Variants in TGFBR3 observed in about 807,000 individuals in gnomAD.
The protein encoded by TGFBR3 is transforming growth factor beta receptor 3, also known as transforming growth factor beta receptor type 3.
In TGFBR3, 46 loss-of-function variants were observed where a neutral mutation model predicts 87.9. The observed-to-expected ratio is 0.52, with a 90% CI of 0.41 to 0.67. The LOEUF (loss-of-function observed/expected upper bound fraction) is 0.67, where lower values mean the gene tolerates loss of function less well. TGFBR3 is among the 30% of genes least tolerant of loss of function. The pLI is 0.00. For missense variants in TGFBR3, 866 were observed against 1,041.9 expected (o/e 0.83, Z 2.32); for synonymous variants, 381 against 391.6 (o/e 0.97, Z 0.32).
intron 2 of TGFBR3, among the ~76,000 whole-genome samples, chr1:91,842,366 T>C (rs919706381): frequency 2.0e-5 from 3 of 152,174 alleles, no homozygotes; most frequent in Admixed American, 1.3e-4. Context: ...AGGTACCATA[T>C]AGATGAGGAA....
chr1:91,687,583 A>G (rs1472898942), intron 16 of TGFBR3, among the ~76,000 whole-genome samples: 1 of 152,194 alleles, frequency 6.6e-6, no homozygotes, highest in Non-Finnish European at 1.5e-5. Context: ...AGAGTTAAAA[A>G]GAAAGGTGAG....
chr1:91,801,347 G>C (rs1007881223), intron 2 of TGFBR3, among the ~76,000 whole-genome samples: 1 of 152,118 alleles, frequency 6.6e-6, no homozygotes, highest in African/African-American at 2.4e-5. Flanking sequence ...GCAGTAATCA[G>C]GGCAAGAGAG....
intron 2 of TGFBR3, among the ~76,000 whole-genome samples, chr1:91,896,120 T>C (rs1286743825): frequency 6.6e-6 from 1 of 152,202 alleles, no homozygotes; most frequent in Non-Finnish European, 1.5e-5. Flanking sequence ...ACAGGTCTCA[T>C]TAGTGAAGAA....
chr1:91,872,412 G>A (rs1380641194), intron 1 of TGFBR3, among the ~76,000 whole-genome samples: 1 of 152,160 alleles, frequency 6.6e-6, no homozygotes. Context: ...TCTTGAGAAG[G>A]GTTAAAACTT....
At chr1:91,790,295 C>T (rs1358837530) in intron 3 of TGFBR3, among the ~76,000 whole-genome samples, 1 of 152,194 alleles carries the variant, frequency 6.6e-6, no homozygotes, top group Non-Finnish European at 1.5e-5. Flanking sequence ...AGCATAGTAA[C>T]ATGCTGTGCA....
chr1:91,721,843 T>A, intron 8 of TGFBR3, 112 bp downstream of exon 8: 1 of 1,011,076 alleles, frequency 9.9e-7, no homozygotes, highest in South Asian at 1.6e-5. Context: ...AGTCAAATTA[T>A]TAAAATGTAC....
chr1:91,749,788 G>T (rs1174492198), intron 4 of TGFBR3, among the ~76,000 whole-genome samples: 1 of 152,090 alleles, frequency 6.6e-6, no homozygotes, highest in Admixed American at 6.6e-5. Flanking sequence ...AGACAGTTGG[G>T]GTTTCTTTCC....
intron 1 of TGFBR3, chr1:91,899,844 A>G (rs11466552): frequency 0.088 from 13,410 of 152,138 alleles, 672 homozygotes; most frequent in African/African-American, 0.14. Context: ...ACAGCTACTC[A>G]GGAGGCTGAG....
In TGFBR3 at chr1:91,746,512, GA is replaced by G. The variant is rs200584691; in HGVS notation, c.385-11554del. ...TTTCAATCTAAATGATGTTTTTCAC[GA>G]AAAAAAATAAAATGTTGGTATCATT... On this transcript the variant is annotated intron_variant, in intron 4 of 16. Coordinates refer to ENST00000212355, the MANE Select transcript of TGFBR3 (RefSeq NM_003243.5). Among the ~76,000 whole-genome samples the G allele has an allele frequency of 7.4e-3, 1,123 of 151,470 alleles. 7 individuals are homozygous for G. The highest frequency in any genetic ancestry group is 0.012 in the Non-Finnish European group (799 of 67,826).
chr1:91,893,513 C>G (rs542745810), intron 2 of TGFBR3, among the ~76,000 whole-genome samples: 49 of 152,234 alleles, frequency 3.2e-4, no homozygotes, highest in African/African-American at 1.2e-3. Context: ...GAACTCCTGA[C>G]CTCAAGTGAT....
chr1:91,777,204 T>C (rs1448999051), intron 3 of TGFBR3, among the ~76,000 whole-genome samples: 1 of 152,178 alleles, frequency 6.6e-6, no homozygotes, highest in Non-Finnish European at 1.5e-5. Flanking sequence ...TGGGGAAATC[T>C]GGGGACAAAC....
chr1:91,783,835 T>C (rs1248181106), intron 3 of TGFBR3, among the ~76,000 whole-genome samples: 1 of 152,196 alleles, frequency 6.6e-6, no homozygotes, highest in Non-Finnish European at 1.5e-5. Context: ...TATTTAATAA[T>C]ACACGGTAGA....
At position 91,722,157 on chromosome 1, in the gene TGFBR3, CA is replaced by C; in HGVS notation, c.886-14del. The stretch of plus-strand genomic sequence containing the variant: ...TACTGTTAGGAGCCTGAAGATATAG[CA>C]AAAAAATCACTCATGAGTCTAAAAT... On this transcript the variant is annotated splice_polypyrimidine_tract_variant and intron_variant, in intron 7 of 16. Transcript: ENST00000212355. The C allele has an allele frequency of 6.2e-7, 1 of 1,610,548 alleles. No homozygotes were observed. Among genetic ancestry groups the C allele is most frequent in the Non-Finnish European group, 8.5e-7 (1 of 1,177,976 alleles).
At position 91,861,631 on chromosome 1, in the gene TGFBR3, A is replaced by G; in HGVS notation, c.-100T>C. The G allele has an allele frequency of 1.1e-6, 1 of 923,368 alleles. No individual in the cohort carries two copies. Among genetic ancestry groups the G allele is most frequent in the Non-Finnish European group, 1.8e-6 (1 of 558,648 alleles). 57.2% of individuals were successfully genotyped at this position (923,368 alleles called of 1,614,324 possible). On this transcript the variant is annotated 5_prime_UTR_variant, in exon 2 of 17. Coordinates refer to ENST00000212355, the MANE Select transcript of TGFBR3 (RefSeq NM_003243.5). Reference sequence around the variant, plus strand: ...AAGTAGTCTTAAAGTCCCTCCTTGCAATTTTCAAACTGCCTGTAAAACAAA... The same window carrying G: ...AAGTAGTCTTAAAGTCCCTCCTTGCGATTTTCAAACTGCCTGTAAAACAAA...
chr1:91,849,568 C>T (rs758749182), intron 2 of TGFBR3, among the ~76,000 whole-genome samples: 3 of 152,222 alleles, frequency 2.0e-5, no homozygotes, highest in Non-Finnish European at 4.4e-5. Flanking sequence ...TAACAATCCC[C>T]AACCTCTTTG....
At chr1:91,709,902 C>T (rs1343449459) in intron 13 of TGFBR3, among the ~76,000 whole-genome samples, 5 of 152,140 alleles carry the variant, frequency 3.3e-5, no homozygotes, top group Admixed American at 3.3e-4. Context: ...GCTGGGACTA[C>T]AGGTGTGCAC....
rs569053321 is a variant in TGFBR3 at position 91,862,380 on chromosome 1, T to C, written c.-113-736A>G. Reference sequence around the variant, plus strand: ...GGGTTATCACAAGGATCAAATTAAGTTGTGCTAGGAATCAATCTGAAAAAA... The same window carrying C: ...GGGTTATCACAAGGATCAAATTAAGCTGTGCTAGGAATCAATCTGAAAAAA... On this transcript the variant is annotated intron_variant, in intron 1 of 16. Coordinates refer to ENST00000212355, the MANE Select transcript of TGFBR3 (RefSeq NM_003243.5). Among the ~76,000 whole-genome samples, 37 of 152,278 alleles carry C rather than the reference T, an allele frequency of 2.4e-4. 1 individual carries two copies. The South Asian group carries it at 7.0e-3, about 29-fold the overall frequency.
chr1:91,826,104 A>G (rs1363301223), intron 2 of TGFBR3, among the ~76,000 whole-genome samples: 2 of 152,158 alleles, frequency 1.3e-5, no homozygotes, highest in Admixed American at 6.5e-5. Flanking sequence ...TGCCAGCTAC[A>G]GTGGCCACAA....
chr1:91,858,781 G>A (rs528437467), intron 2 of TGFBR3, among the ~76,000 whole-genome samples: 5 of 151,376 alleles, frequency 3.3e-5, no homozygotes, highest in East Asian at 2.0e-4. Flanking sequence ...TTCATCCAGC[G>A]GTGGTGGCTC....
Sources: allele counts gnomAD v4.1 joint callset (sites outside exome capture counted in the v4.1 genomes callset), GRCh38; gene constraint gnomAD v4.1.1; transcripts MANE v1.5; gene names NCBI Gene and HGNC (gene_info 2026-07-23, HGNC 2026-07-21).